The following IGF2BP2 variants were observed in gnomAD, a reference collection of about 807,000 sequenced individuals.
IGF2BP2 encodes insulin-like growth factor 2 mRNA-binding protein 2.
A neutral mutation model predicts 75.8 loss-of-function variants in IGF2BP2; 17 were observed. The ratio of observed to expected loss-of-function variants is 0.22; its 90% CI spans 0.15 to 0.34. The LOEUF is 0.34. Among genes scored for constraint, IGF2BP2 ranks in the 10% least tolerant of loss-of-function variants. The probability of loss-of-function intolerance (pLI) is 1.00; values close to 1 mark genes in which losing one functional copy is unlikely to be tolerated. For synonymous variants in IGF2BP2, 288 were observed against 295.6 expected (o/e 0.97, Z 0.26); for missense variants, 516 against 772.4 (o/e 0.67, Z 3.93).
intron 13 of IGF2BP2, among the ~76,000 whole-genome samples, chr3:185,650,318 C>T (rs1560224071): frequency 6.7e-6 from 1 of 149,686 alleles, no homozygotes; most frequent in Non-Finnish European, 1.5e-5. Flanking sequence ...TTACAATGTT[C>T]TTTTTTTTTC....
intron 2 of IGF2BP2, among the ~76,000 whole-genome samples, chr3:185,797,511 A>T (rs926108872): frequency 6.6e-6 from 1 of 152,254 alleles, no homozygotes; most frequent in Non-Finnish European, 1.5e-5. Context: ...AGTTAAGAGC[A>T]GAGTTTGCTG....
intron 2 of IGF2BP2, among the ~76,000 whole-genome samples, chr3:185,754,148 G>A (rs1269957072): frequency 6.6e-6 from 1 of 152,118 alleles, no homozygotes; most frequent in Non-Finnish European, 1.5e-5. Flanking sequence ...GGCAAAGGTT[G>A]CAGTGAGCTG....
intron 2 of IGF2BP2, among the ~76,000 whole-genome samples, chr3:185,700,637 A>G (rs1033225248): frequency 5.3e-5 from 8 of 152,222 alleles, no homozygotes; most frequent in African/African-American, 2.4e-5. Flanking sequence ...AAATATTTCT[A>G]AAGAAAAATA....
intron 2 of IGF2BP2, among the ~76,000 whole-genome samples, chr3:185,817,388 T>G (rs1157007499): frequency 6.6e-6 from 1 of 152,172 alleles, no homozygotes; most frequent in East Asian, 1.9e-4. Flanking sequence ...CAATATACCA[T>G]CAAACTCTAA....
chr3:185,731,890 G>C (rs1478708642), intron 2 of IGF2BP2, among the ~76,000 whole-genome samples: 1 of 152,040 alleles, frequency 6.6e-6, no homozygotes, highest in African/African-American at 2.4e-5. Flanking sequence ...GCTGAGGCAG[G>C]AGAATGGCGT....
chr3:185,745,329 G>A (rs944425755), intron 2 of IGF2BP2, among the ~76,000 whole-genome samples: 1 of 152,192 alleles, frequency 6.6e-6, no homozygotes, highest in African/African-American at 2.4e-5. Context: ...TCCGTGTGAG[G>A]TATACTGCTG....
intron 2 of IGF2BP2, among the ~76,000 whole-genome samples, chr3:185,707,292 G>C (rs1279673624): frequency 1.4e-5 from 2 of 139,696 alleles, no homozygotes; most frequent in Non-Finnish European, 3.0e-5. Flanking sequence ...TGTAACGAAG[G>C]GGCTTTTTTT....
chr3:185,705,948 A>G (rs1022969263), intron 2 of IGF2BP2, among the ~76,000 whole-genome samples: 1 of 152,238 alleles, frequency 6.6e-6, no homozygotes, highest in African/African-American at 2.4e-5. Context: ...GCAAAAAGCA[A>G]TAGTCTGAGA....
chr3:185,728,683 A>G (rs1180823477), intron 2 of IGF2BP2: 1 of 152,226 alleles, frequency 6.6e-6, no homozygotes, highest in African/African-American at 2.4e-5. Flanking sequence ...CATCCATTTT[A>G]CAGAGAGTAC....
intron 13 of IGF2BP2, 73 bp downstream of exon 13, chr3:185,652,021 G>A: frequency 8.3e-7 from 1 of 1,206,850 alleles, no homozygotes; most frequent in Non-Finnish European, 1.2e-6. Flanking sequence ...CCAAAGAAGA[G>A]CCTTGAATGT....
intron 10 of IGF2BP2, among the ~76,000 whole-genome samples, chr3:185,668,625 CAT>C: frequency 6.7e-6 from 1 of 148,772 alleles, no homozygotes; most frequent in East Asian, 2.0e-4. Context: ...TATAAATGAA[CAT>C]ATATATAATT....
intron 2 of IGF2BP2, among the ~76,000 whole-genome samples, chr3:185,821,680 C>A (rs1467508060): frequency 6.6e-6 from 1 of 151,812 alleles, no homozygotes; most frequent in Non-Finnish European, 1.5e-5. Flanking sequence ...TATTCACAAC[C>A]GCAAACAGCC....
intron 7 of IGF2BP2, among the ~76,000 whole-genome samples, chr3:185,686,252 C>T (rs1182071387): frequency 2.6e-5 from 4 of 151,980 alleles, no homozygotes; most frequent in Non-Finnish European, 4.4e-5. Flanking sequence ...GGCATGGTGG[C>T]GCACGCCTGT....
At chr3:185,760,525 T>G (rs933083276) in intron 2 of IGF2BP2, among the ~76,000 whole-genome samples, 2 of 152,212 alleles carry the variant, frequency 1.3e-5, no homozygotes, top group Non-Finnish European at 2.9e-5. Flanking sequence ...AGAAACTCTG[T>G]ACCCATGAGC....
intron 2 of IGF2BP2, among the ~76,000 whole-genome samples, chr3:185,742,562 T>C (rs1729708927): frequency 6.6e-6 from 1 of 151,278 alleles, no homozygotes; most frequent in Non-Finnish European, 1.5e-5. Context: ...GAGGCTGAGG[T>C]GGGAGGATCA....
intron 2 of IGF2BP2, among the ~76,000 whole-genome samples, chr3:185,733,479 G>C (rs988883847): frequency 6.6e-6 from 1 of 152,148 alleles, no homozygotes; most frequent in African/African-American, 2.4e-5. Context: ...GAGCCAGACT[G>C]GGCGCGGTGG....
chr3:185,648,412 C>T (rs561424486), intron 14 of IGF2BP2, among the ~76,000 whole-genome samples: 1 of 145,096 alleles, frequency 6.9e-6, no homozygotes, highest in Non-Finnish European at 1.5e-5. Context: ...GCAGTGAGCA[C>T]AGATGGCACC....
At chr3:185,660,163 G>C (rs1716190768) in intron 10 of IGF2BP2, among the ~76,000 whole-genome samples, 1 of 152,194 alleles carries the variant, frequency 6.6e-6, no homozygotes, top group Non-Finnish European at 1.5e-5. Context: ...TTTACACAAG[G>C]CTGGGTCAAC....
chr3:185,687,297 A>G, intron 6 of IGF2BP2, 106 bp from the exon 7 acceptor site: 2 of 1,200,306 alleles, frequency 1.7e-6, no homozygotes, highest in Non-Finnish European at 2.3e-6. Flanking sequence ...ACAGACAGAC[A>G]AGGAGGCGTC....
Sources: gnomAD v4.1 joint callset for allele counts (sites outside exome capture counted in the v4.1 genomes callset) on GRCh38, gnomAD v4.1.1 for gene constraint, MANE v1.5 for transcripts, NCBI Gene and HGNC (gene_info 2026-07-23, HGNC 2026-07-21) for gene names.